Variants in PLCG2 observed in about 807,000 individuals in gnomAD.
The protein encoded by PLCG2 is 1-phosphatidylinositol 4,5-bisphosphate phosphodiesterase gamma-2.
Under a neutral mutation model 175.6 loss-of-function variants are expected in PLCG2, and 69 were observed. The observed-to-expected ratio is 0.39, with a 90% CI of 0.32 to 0.48. The LOEUF (loss-of-function observed/expected upper bound fraction) is 0.48. Ranked by LOEUF, PLCG2 falls within the 20% of genes least tolerant of loss-of-function variation. The probability of loss-of-function intolerance (pLI) is 0.91; values close to 1 mark genes in which losing one functional copy is unlikely to be tolerated. For synonymous variants in PLCG2, 827 were observed against 624.0 expected (o/e 1.33, Z -4.85); for missense variants, 1,798 against 1,650.9 (o/e 1.09, Z -1.54).
At chr16:81,905,937 G>C (rs1431280092) in intron 15 of PLCG2, among the ~76,000 whole-genome samples, 1 of 152,160 alleles carries the variant, frequency 6.6e-6, no homozygotes, top group Non-Finnish European at 1.5e-5. Context: ...TGAGATTATA[G>C]GCGTAAGCTT....
At chr16:81,935,049 T>C (rs1158173329) in intron 26 of PLCG2, among the ~76,000 whole-genome samples, 1 of 152,114 alleles carries the variant, frequency 6.6e-6, no homozygotes, top group African/African-American at 2.4e-5. Flanking sequence ...ACCCACTTAG[T>C]GGGTGGATTT....
At chr16:81,834,053 T>G (rs1410334126) in intron 2 of PLCG2, among the ~76,000 whole-genome samples, 4 of 152,148 alleles carry the variant, frequency 2.6e-5, no homozygotes, top group African/African-American at 9.7e-5. Flanking sequence ...TAACTGGACT[T>G]ACCTTGTCTC....
At chr16:81,911,660 G>A (rs2143660635) in intron 18 of PLCG2, among the ~76,000 whole-genome samples, 1 of 152,076 alleles carries the variant, frequency 6.6e-6, no homozygotes, top group East Asian at 1.9e-4. Context: ...TCCCAGGCTG[G>A]AGTGCAATGG....
Position 81,959,323 on chromosome 16 carries a change from A to C in PLCG2, c.*1325A>C, listed in dbSNP as rs1208979172. The C allele has an allele frequency of 4.5e-6, 1 of 222,800 alleles. No individual in the cohort carries two copies. The highest frequency in any genetic ancestry group is 9.0e-6 in the Non-Finnish European group (1 of 111,582). 13.8% of individuals were successfully genotyped at this position (222,800 alleles called of 1,614,324 possible). On this transcript the variant is annotated 3_prime_UTR_variant, in exon 33 of 33. Transcript: ENST00000564138. Reference sequence around the variant, plus strand: ...ACCCGAAATGCTGGGCTTAGTATGCATGTACTGCTGAAAAGCAGGGCAGAA... The same window carrying C: ...ACCCGAAATGCTGGGCTTAGTATGCCTGTACTGCTGAAAAGCAGGGCAGAA...
At chr16:81,778,047 A>C (rs377156736), upstream of PLCG2, among the ~76,000 whole-genome samples, 2,340 of 74,264 alleles carry the variant, frequency 0.032, 126 homozygotes, top group African/African-American at 0.039. Context: ...AAAAAACAAA[A>C]AAAAAAACAA....
intron 25 of PLCG2, among the ~76,000 whole-genome samples, chr16:81,933,245 T>G (rs1437190347): frequency 6.6e-6 from 1 of 152,198 alleles, no homozygotes; most frequent in Non-Finnish European, 1.5e-5. Flanking sequence ...GTAAAAAAAC[T>G]GGGACAGTAG....
chr16:81,747,793 A>C lies in PLCG2; in HGVS notation c.-144-8077A>C, dbSNP rs80098623. Among the ~76,000 whole-genome samples, 93 of 152,330 alleles carry C rather than the reference A, an allele frequency of 6.1e-4. No individual in the cohort carries two copies. In the East Asian group the frequency reaches 0.017, roughly 28 times the overall value. On this transcript the variant is annotated intron_variant, in intron 1 of 5. Transcript: ENST00000565054. ...GATTTGCAAAATGCCTGGACACTCA[A>C]AAATGTCAGTGTCATAAAAGACAAT...
chr16:81,742,806 G>T (rs1013882045), intron 1 of PLCG2, among the ~76,000 whole-genome samples: 1 of 152,190 alleles, frequency 6.6e-6, no homozygotes, highest in Non-Finnish European at 1.5e-5. Flanking sequence ...ACTTCCTCAG[G>T]TTCTGGGACC....
intron 2 of PLCG2, among the ~76,000 whole-genome samples, chr16:81,802,240 G>T (rs570847793): frequency 1.3e-5 from 2 of 151,094 alleles, no homozygotes; most frequent in South Asian, 4.2e-4. Context: ...AGCCTCCACA[G>T]TAGTTGGGAT....
intron 22 of PLCG2, 24 bp from the exon 23 acceptor site, chr16:81,927,058 C>T: frequency 2.6e-6 from 4 of 1,514,498 alleles, no homozygotes; most frequent in Non-Finnish European, 3.7e-6. Context: ...TGACAGCGCC[C>T]CCATGTCCTC....
intron 2 of PLCG2, among the ~76,000 whole-genome samples, chr16:81,824,334 A>C (rs1358866131): frequency 6.6e-6 from 1 of 152,140 alleles, no homozygotes; most frequent in African/African-American, 2.4e-5. Context: ...AGGTTTCACC[A>C]CGTTGGCCAG....
chr16:81,829,009 A>G (rs1305093688), intron 2 of PLCG2, among the ~76,000 whole-genome samples: 1 of 152,196 alleles, frequency 6.6e-6, no homozygotes, highest in African/African-American at 2.4e-5. Flanking sequence ...TCAGAAAAGC[A>G]CAGGACCTGG....
chr16:81,781,208 C>G (rs1222154835), intron 1 of PLCG2, among the ~76,000 whole-genome samples: 1 of 152,216 alleles, frequency 6.6e-6, no homozygotes, highest in Non-Finnish European at 1.5e-5. Context: ...ACCAGAAGAT[C>G]ACCTTTATAA....
chr16:81,856,206 G>C (rs953122178), intron 3 of PLCG2, among the ~76,000 whole-genome samples: 6 of 152,222 alleles, frequency 3.9e-5, no homozygotes, highest in African/African-American at 7.2e-5. Flanking sequence ...TGTGTGGGAA[G>C]ATGAGAGCAG....
intron 16 of PLCG2, among the ~76,000 whole-genome samples, chr16:81,908,055 C>T (rs1463984072): frequency 6.6e-6 from 1 of 152,226 alleles, no homozygotes; most frequent in African/African-American, 2.4e-5. Context: ...TGGTCCCATG[C>T]TTTCCTGTTG....
At chr16:81,916,425 T>C (rs538830770) in intron 19 of PLCG2, among the ~76,000 whole-genome samples, 1 of 152,350 alleles carries the variant, frequency 6.6e-6, no homozygotes, top group South Asian at 2.1e-4. Context: ...ATGAGCAGTA[T>C]GCCCATAGAA....
At chr16:81,912,572 C>T (rs772387182) in intron 18 of PLCG2, 25 bp from the exon 19 acceptor site, 9 of 1,610,890 alleles carry the variant, frequency 5.6e-6, no homozygotes, top group Non-Finnish European at 6.8e-6. Flanking sequence ...CTCACCTGGT[C>T]GTTTTCCCTG....
intron 2 of PLCG2, among the ~76,000 whole-genome samples, chr16:81,824,387 A>C (rs898375334): frequency 6.6e-6 from 1 of 151,330 alleles, no homozygotes; most frequent in Non-Finnish European, 1.5e-5. Context: ...ACCCACCTCA[A>C]CCTCCCAAAG....
chr16:81,927,773 A>G (rs754927260), intron 23 of PLCG2, among the ~76,000 whole-genome samples: 36 of 152,280 alleles, frequency 2.4e-4, no homozygotes, highest in Admixed American at 7.2e-4. Context: ...AGGAAGGAGT[A>G]TTTGACCCTT....
Sources: gnomAD v4.1 joint callset for allele counts (sites outside exome capture counted in the v4.1 genomes callset) on GRCh38, gnomAD v4.1.1 for gene constraint, MANE v1.5 for transcripts, NCBI Gene and HGNC (gene_info 2026-07-23, HGNC 2026-07-21) for gene names.